Variants in NALF1 observed in about 807,000 individuals in gnomAD.
The protein encoded by NALF1 is family with sequence similarity 155 member A.
A neutral mutation model predicts 48.4 loss-of-function variants in NALF1; 3 were observed. That is an observed-to-expected ratio of 0.06 (90% confidence interval 0.03 to 0.16). NALF1 has a LOEUF of 0.16. NALF1 is among the 10% of genes least tolerant of loss of function. The pLI, the probability that NALF1 is intolerant of heterozygous loss-of-function variation, is 1.00. For synonymous variants in NALF1, 262 were observed against 245.7 expected (o/e 1.07, Z -0.62); for missense variants, 526 against 571.5 (o/e 0.92, Z 0.81).
chr13:107,803,922 G>C (rs1045439090), intron 1 of NALF1, among the ~76,000 whole-genome samples: 2 of 152,124 alleles, frequency 1.3e-5, no homozygotes, highest in African/African-American at 4.8e-5. Context: ...CCATGGAGCT[G>C]CTTCTATTAT....
rs192194229 is a variant in NALF1 at position 107,233,420 on chromosome 13, T to A, written c.916-22665A>T. ...CAAGAAGCATTTGTACTCCACTGTG[T>A]ATGAAAACATAAACTAGCCATTTAG... is the stretch of plus-strand genomic sequence containing the variant. On this transcript the variant is annotated intron_variant, in intron 1 of 2. Coordinates refer to ENST00000375915, the MANE Select transcript of NALF1 (RefSeq NM_001080396.3). Among the ~76,000 whole-genome samples, 250 of 152,326 alleles carry A rather than the reference T, an allele frequency of 1.6e-3. 3 individuals carry two copies. Among genetic ancestry groups the A allele is most frequent in the Middle Eastern group, 6.8e-3 (2 of 294 alleles).
At chr13:107,603,393 G>A (rs1283412935) in intron 1 of NALF1, among the ~76,000 whole-genome samples, 1 of 152,056 alleles carries the variant, frequency 6.6e-6, no homozygotes, top group Admixed American at 6.6e-5. Context: ...CAGAAAAGTT[G>A]GCTAAATATG....
At chr13:107,342,454 G>A (rs946554825) in intron 1 of NALF1, among the ~76,000 whole-genome samples, 1 of 152,146 alleles carries the variant, frequency 6.6e-6, no homozygotes, top group Non-Finnish European at 1.5e-5. Flanking sequence ...GTAAGTCCCA[G>A]TCCTTATTTC....
intron 1 of NALF1, among the ~76,000 whole-genome samples, chr13:107,558,089 A>G (rs1020783057): frequency 2.0e-5 from 3 of 146,612 alleles, no homozygotes; most frequent in African/African-American, 7.5e-5. Context: ...TCACTGGCCT[A>G]ATGATTCTGA....
chr13:107,528,263 T>C (rs1004012313), intron 1 of NALF1, among the ~76,000 whole-genome samples: 1 of 152,138 alleles, frequency 6.6e-6, no homozygotes, highest in African/African-American at 2.4e-5. Flanking sequence ...TATGTTCATG[T>C]AAATAACAGA....
chr13:107,476,935 AT>A lies in NALF1; in HGVS notation c.916-266181del, dbSNP rs550734899. On this transcript the variant is annotated intron_variant, in intron 1 of 2. Coordinates refer to ENST00000375915, the MANE Select transcript of NALF1 (RefSeq NM_001080396.3). ...TAAGTAGAGAATTAAAATGGACAAT[AT>A]TTTTTTAGAATACTAGTCATATTAA... Among the ~76,000 whole-genome samples the A allele has an allele frequency of 1.0e-3, 155 of 152,148 alleles. 2 individuals are homozygous for A. The highest frequency in any genetic ancestry group is 3.4e-3 in the African/African-American group (141 of 41,530).
At chr13:107,727,613 G>A (rs1290092943) in intron 1 of NALF1, among the ~76,000 whole-genome samples, 1 of 152,188 alleles carries the variant, frequency 6.6e-6, no homozygotes, top group African/African-American at 2.4e-5. Context: ...CAGGACACAG[G>A]CATGGGCAAA....
intron 1 of NALF1, among the ~76,000 whole-genome samples, chr13:107,393,815 A>C (rs1883666348): frequency 6.6e-6 from 1 of 152,164 alleles, no homozygotes; most frequent in Admixed American, 6.5e-5. Flanking sequence ...TCACAATAAA[A>C]CTCTATATAA....
chr13:107,728,723 A>AAAT (rs1421047601), intron 1 of NALF1, among the ~76,000 whole-genome samples: 9 of 104,812 alleles, frequency 8.6e-5, no homozygotes, highest in South Asian at 3.1e-4. Context: ...AATAAATAAA[A>AAAT]AAGAAAAAGA....
intron 1 of NALF1, among the ~76,000 whole-genome samples, chr13:107,609,420 C>T (rs927276375): frequency 6.6e-6 from 1 of 152,212 alleles, no homozygotes; most frequent in Non-Finnish European, 1.5e-5. Flanking sequence ...CAACTCTGGG[C>T]GGCCCCAGTC....
intron 1 of NALF1, among the ~76,000 whole-genome samples, chr13:107,438,504 G>C (rs1338394433): frequency 1.3e-5 from 2 of 151,966 alleles, no homozygotes; most frequent in Non-Finnish European, 2.9e-5. Flanking sequence ...TTGCAGAGCT[G>C]AATTTAAGAA....
intron 1 of NALF1, among the ~76,000 whole-genome samples, chr13:107,214,321 A>G (rs1273196447): frequency 1.3e-5 from 2 of 152,218 alleles, no homozygotes; most frequent in African/African-American, 2.4e-5. Context: ...AAAAATGAGT[A>G]TATTTGTCTT....
intron 1 of NALF1, among the ~76,000 whole-genome samples, chr13:107,689,293 T>C (rs1383652410): frequency 1.3e-5 from 2 of 152,176 alleles, no homozygotes; most frequent in African/African-American, 2.4e-5. Flanking sequence ...TCTCGTCTCT[T>C]TTCTCTTTTC....
At position 107,195,197 on chromosome 13, in the gene NALF1, G is replaced by T. The variant is rs182632628; in HGVS notation, c.1087+15387C>A. ...ACTAAAAGTAGAACTCAAGTGACGG[G>T]TGCAGTAAAATCTCAGAAATCACCA... On this transcript the variant is annotated intron_variant, in intron 2 of 2. Transcript: ENST00000375915. Among the ~76,000 whole-genome samples the T allele has an allele frequency of 2.2e-3, 337 of 152,136 alleles. 1 individual carries two copies. The highest frequency in any genetic ancestry group is 4.1e-3 in the Non-Finnish European group (279 of 67,934).
At chr13:107,194,241 T>G (rs7988893) in intron 2 of NALF1, among the ~76,000 whole-genome samples, 1,924 of 152,274 alleles carry the variant, frequency 0.013, 31 homozygotes, top group African/African-American at 0.044. Flanking sequence ...TGTAATGAGA[T>G]CATTCATCTT....
intron 1 of NALF1, among the ~76,000 whole-genome samples, chr13:107,458,341 C>T (rs575357182): frequency 1.2e-4 from 19 of 152,290 alleles, no homozygotes; most frequent in African/African-American, 3.8e-4. Context: ...AATGGGCCCC[C>T]ACTCAACAAG....
intron 1 of NALF1, among the ~76,000 whole-genome samples, chr13:107,628,692 AAACCCTGGTT>A (rs1879751375): frequency 6.6e-6 from 1 of 152,202 alleles, no homozygotes; most frequent in Non-Finnish European, 1.5e-5. Flanking sequence ...CAAACAAACA[AAACCCTGGTT>A]AACTTTCACA....
intron 1 of NALF1, among the ~76,000 whole-genome samples, chr13:107,291,286 G>C (rs533258183): frequency 2.3e-4 from 35 of 152,056 alleles, no homozygotes; most frequent in African/African-American, 7.5e-4. Flanking sequence ...GTGTTTAGGT[G>C]CTAAGCATAA....
intron 1 of NALF1, among the ~76,000 whole-genome samples, chr13:107,631,287 G>A (rs1924431): frequency 0.58 from 87,959 of 152,012 alleles, 27,932 homozygotes; most frequent in East Asian, 0.99. Flanking sequence ...CTGGGTTGAA[G>A]ACCTGCTTGC....
Sources: allele counts gnomAD v4.1 joint callset (sites outside exome capture counted in the v4.1 genomes callset), GRCh38; gene constraint gnomAD v4.1.1; transcripts MANE v1.5; gene names NCBI Gene and HGNC (gene_info 2026-07-23, HGNC 2026-07-21).